The following HPSE2 variants were observed in gnomAD, a reference collection of about 807,000 sequenced individuals.
HPSE2 encodes heparanase 2 (inactive).
In HPSE2, 38 loss-of-function variants were observed where a neutral mutation model predicts 60.5. The ratio of observed to expected loss-of-function variants is 0.63; its 90% CI spans 0.48 to 0.82. HPSE2 has a LOEUF of 0.82. Among genes scored for constraint, HPSE2 ranks in the 40% least tolerant of loss-of-function variants. HPSE2 has a pLI of 0.00. For synonymous variants in HPSE2, 295 were observed against 293.2 expected (o/e 1.01, Z -0.06); for missense variants, 713 against 740.4 (o/e 0.96, Z 0.43).
At chr10:98,652,237 A>G (rs1002521979) in intron 6 of HPSE2, among the ~76,000 whole-genome samples, 2 of 152,238 alleles carry the variant, frequency 1.3e-5, no homozygotes, top group Admixed American at 6.5e-5. Flanking sequence ...AAGTATATAC[A>G]CAGAACAAAA....
intron 2 of HPSE2, among the ~76,000 whole-genome samples, chr10:99,194,312 T>G (rs993805680): frequency 6.6e-6 from 1 of 150,954 alleles, no homozygotes; most frequent in Non-Finnish European, 1.5e-5. Flanking sequence ...AATACCTACA[T>G]CAAAAAAAGT....
chr10:99,077,433 T>A (rs1554882982), intron 3 of HPSE2, among the ~76,000 whole-genome samples: 3 of 152,180 alleles, frequency 2.0e-5, no homozygotes, highest in Non-Finnish European at 4.4e-5. Flanking sequence ...TTCATCTGAC[T>A]GAATAATTTC....
intron 3 of HPSE2, among the ~76,000 whole-genome samples, chr10:99,124,208 T>A (rs1407828804): frequency 6.6e-6 from 1 of 152,162 alleles, no homozygotes; most frequent in Non-Finnish European, 1.5e-5. Flanking sequence ...TCTGCCTGAG[T>A]CTGACTGAGT....
At chr10:98,559,315 G>C (rs186198522) in intron 9 of HPSE2, among the ~76,000 whole-genome samples, 4 of 152,130 alleles carry the variant, frequency 2.6e-5, no homozygotes, top group Admixed American at 1.3e-4. Flanking sequence ...AGCATGAGCC[G>C]CTGCACCCGG....
At position 98,459,756 on chromosome 10, in the gene HPSE2, C is replaced by T. The variant is rs575222538; in HGVS notation, c.1614-17G>A. The T allele has an allele frequency of 6.2e-7, 1 of 1,608,886 alleles. No individual in the cohort carries two copies. Among genetic ancestry groups the T allele is most frequent in the Non-Finnish European group, 8.5e-7 (1 of 1,177,276 alleles). On this transcript the variant is annotated splice_polypyrimidine_tract_variant and intron_variant, in intron 11 of 11. Coordinates refer to ENST00000370552, the MANE Select transcript of HPSE2 (RefSeq NM_021828.5). ...TGCACTGACCTACAGTGAGGAAAAA[C>T]AGTATGGGACTCATTATTGCATTAT...
intron 1 of HPSE2, among the ~76,000 whole-genome samples, chr10:99,233,966 G>A (rs1849753780): frequency 1.3e-5 from 2 of 152,228 alleles, no homozygotes; most frequent in Admixed American, 1.3e-4. Flanking sequence ...AGGCAGGAAA[G>A]CATTAGGCGA....
intron 2 of HPSE2, among the ~76,000 whole-genome samples, chr10:99,203,064 G>A (rs1332575046): frequency 6.6e-6 from 1 of 152,118 alleles, no homozygotes; most frequent in Non-Finnish European, 1.5e-5. Flanking sequence ...TGCCAAGCCA[G>A]ATCCTGCAGC....
At chr10:98,663,617 T>C (rs1290746912) in intron 6 of HPSE2, among the ~76,000 whole-genome samples, 1 of 152,042 alleles carries the variant, frequency 6.6e-6, no homozygotes, top group Non-Finnish European at 1.5e-5. Context: ...TGCTCCCTAA[T>C]ATGGGGAAAG....
At chr10:99,103,521 G>A (rs1844103273) in intron 3 of HPSE2, among the ~76,000 whole-genome samples, 1 of 152,074 alleles carries the variant, frequency 6.6e-6, no homozygotes, top group South Asian at 2.1e-4. Flanking sequence ...ATGCTCATGG[G>A]TAGGAAGAAT....
intron 3 of HPSE2, among the ~76,000 whole-genome samples, chr10:98,957,611 G>A (rs751669575): frequency 6.6e-6 from 1 of 152,166 alleles, no homozygotes; most frequent in Non-Finnish European, 1.5e-5. Flanking sequence ...TGTTGTAAAT[G>A]CATGCCCACA....
chr10:98,595,949 T>C (rs900319596), intron 9 of HPSE2, among the ~76,000 whole-genome samples: 1 of 152,242 alleles, frequency 6.6e-6, no homozygotes, highest in African/African-American at 2.4e-5. Flanking sequence ...TCTACATCTA[T>C]TGAAATGATT....
At chr10:98,603,669 C>T (rs1450075427) in intron 9 of HPSE2, among the ~76,000 whole-genome samples, 2 of 152,088 alleles carry the variant, frequency 1.3e-5, no homozygotes, top group Admixed American at 6.5e-5. Flanking sequence ...ACCTCGTGAT[C>T]TGCCCACCTT....
chr10:98,519,564 T>C (rs766449818), intron 9 of HPSE2, among the ~76,000 whole-genome samples: 3 of 152,248 alleles, frequency 2.0e-5, no homozygotes, highest in Non-Finnish European at 4.4e-5. Context: ...ACCACTGCCT[T>C]CTTGGCAGGC....
chr10:98,908,250 C>T (rs1302922570), intron 3 of HPSE2, among the ~76,000 whole-genome samples: 1 of 152,184 alleles, frequency 6.6e-6, no homozygotes, highest in East Asian at 1.9e-4. Context: ...AAGAACCACT[C>T]AAGTCACTCT....
the HPSE2 span, among the ~76,000 whole-genome samples, chr10:99,286,878 C>T: frequency 5.9e-5 from 9 of 152,266 alleles, no homozygotes; most frequent in South Asian, 1.9e-3. Flanking sequence ...CACTGTAACA[C>T]TGTAAGATAG....
intron 2 of HPSE2, among the ~76,000 whole-genome samples, chr10:99,214,314 T>C (rs531958129): frequency 1.1e-4 from 17 of 152,290 alleles, no homozygotes; most frequent in East Asian, 1.9e-4. Context: ...TCAAAGAGGA[T>C]AGAATTACCA....
intron 9 of HPSE2, among the ~76,000 whole-genome samples, chr10:98,595,336 A>AT (rs71488859): frequency 2.0e-5 from 3 of 151,388 alleles, no homozygotes; most frequent in African/African-American, 4.9e-5. Flanking sequence ...CACCTGGCAA[A>AT]TTTTTTTGTA....
chr10:98,721,610 T>G, intron 5 of HPSE2, 47 bp downstream of exon 5: 2 of 1,514,724 alleles, frequency 1.3e-6, no homozygotes, highest in East Asian at 4.5e-5. Context: ...ATACATTAAT[T>G]CATTAAATGA....
In HPSE2 at chr10:99,044,576, G is replaced by A. The variant is rs189171610; in HGVS notation, c.610+99662C>T. Among the ~76,000 whole-genome samples the A allele has an allele frequency of 4.6e-5, 7 of 152,102 alleles. 1 individual carries two copies. In the East Asian group the frequency reaches 1.2e-3, roughly 25 times the overall value. ...CATAAAGTGGCAAGCTGAATAAGAA[G>A]ACAAGACCCAACCATTTGCTGTCTT... On this transcript the variant is annotated intron_variant, in intron 3 of 11. Coordinates refer to ENST00000370552, the MANE Select transcript of HPSE2 (RefSeq NM_021828.5).
Sources: gnomAD v4.1 joint callset for allele counts (sites outside exome capture counted in the v4.1 genomes callset) on GRCh38, gnomAD v4.1.1 for gene constraint, MANE v1.5 for transcripts, NCBI Gene and HGNC (gene_info 2026-07-23, HGNC 2026-07-21) for gene names.